Variants in BAZ2B observed in about 807,000 individuals in gnomAD.
BAZ2B encodes bromodomain adjacent to zinc finger domain protein 2B.
In BAZ2B, 91 loss-of-function variants were observed where a neutral mutation model predicts 246.0. That is an observed-to-expected ratio of 0.37 (90% CI 0.31 to 0.44). The LOEUF (loss-of-function observed/expected upper bound fraction) is 0.44, where lower values mean the gene tolerates loss of function less well. Ranked by LOEUF, BAZ2B falls within the 20% of genes least tolerant of loss-of-function variation. The probability of loss-of-function intolerance (pLI) is 1.00; values close to 1 mark genes in which losing one functional copy is unlikely to be tolerated. For synonymous variants in BAZ2B, 855 were observed against 860.0 expected (o/e 0.99, Z 0.10); for missense variants, 2,332 against 2,533.7 (o/e 0.92, Z 1.71).
At chr2:159,699,373 C>T in the BAZ2B span, among the ~76,000 whole-genome samples, 37 of 151,896 alleles carry the variant, frequency 2.4e-4, no homozygotes, top group Non-Finnish European at 4.1e-4. Flanking sequence ...TGAGACCCCA[C>T]CTTTTTTAAA....
chr2:159,561,456 C>T (rs986531798), intron 1 of BAZ2B, among the ~76,000 whole-genome samples: 26 of 152,302 alleles, frequency 1.7e-4, no homozygotes, highest in Admixed American at 1.2e-3. Flanking sequence ...CTTAATAAAC[C>T]TCTTTTCTTT....
chr2:159,328,069 C>CAAA lies in BAZ2B; in HGVS notation c.5944-2152_5944-2151insTTT, dbSNP rs1558959778. ...GATGGAATGAGACTCAGCCTCAAAACGAAAAAAAAAAAAAAAAAAAAAGAA... is the reference window on the plus strand; with the variant it reads ...GATGGAATGAGACTCAGCCTCAAAACAAAGAAAAAAAAAAAAAAAAAAAAAGAA... On this transcript the variant is annotated intron_variant, in intron 34 of 36. Coordinates refer to ENST00000392783, the MANE Select transcript of BAZ2B (RefSeq NM_013450.4). Among the ~76,000 whole-genome samples, 49 of 111,538 alleles carry CAAA rather than the reference C, an allele frequency of 4.4e-4. 2 individuals are homozygous for CAAA. Among genetic ancestry groups the CAAA allele is most frequent in the Middle Eastern group, 4.9e-3 (1 of 204 alleles). 73.2% of individuals were successfully genotyped at this position (111,538 alleles called of 152,430 possible). A position where few individuals can be genotyped will look rare whatever the true frequency, so the allele number is the denominator to read the frequency against.
intron 2 of BAZ2B, among the ~76,000 whole-genome samples, chr2:159,542,997 TA>T (rs1026560823): frequency 6.6e-6 from 1 of 152,176 alleles, no homozygotes; most frequent in African/African-American, 2.4e-5. Flanking sequence ...GAAAATTCCT[TA>T]ACTTCCCCAT....
At chr2:159,346,548 T>C (rs2067849063) in intron 31 of BAZ2B, among the ~76,000 whole-genome samples, 4 of 152,062 alleles carry the variant, frequency 2.6e-5, no homozygotes, top group Middle Eastern at 3.4e-3. Context: ...CTACTAAAAA[T>C]ACAAAAATTA....
At chr2:159,585,773 A>G (rs1687883420) in intron 1 of BAZ2B, among the ~76,000 whole-genome samples, 1 of 152,268 alleles carries the variant, frequency 6.6e-6, no homozygotes. Context: ...CCTTCATTCA[A>G]TGACTAGGAC....
chr2:159,650,244 T>C, the BAZ2B span, among the ~76,000 whole-genome samples: 1 of 151,990 alleles, frequency 6.6e-6, no homozygotes, highest in Admixed American at 6.6e-5. Flanking sequence ...TTTTTTTTAC[T>C]GGGTGTCATA....
intron 2 of BAZ2B, among the ~76,000 whole-genome samples, chr2:159,542,353 T>G (rs538427128): frequency 3.5e-5 from 5 of 144,722 alleles, no homozygotes; most frequent in Non-Finnish European, 7.7e-5. Flanking sequence ...GAACTTCAAG[T>G]AGGATAAATT....
At chr2:159,451,553 G>A (rs1487664285) in intron 4 of BAZ2B, among the ~76,000 whole-genome samples, 5 of 152,130 alleles carry the variant, frequency 3.3e-5, no homozygotes, top group Non-Finnish European at 5.9e-5. Flanking sequence ...CAAAAAGTAT[G>A]CTCATCTAGG....
rs115706393 is a variant in BAZ2B at position 159,485,267 on chromosome 2, A to T, written c.-2-6546T>A. Among the ~76,000 whole-genome samples the T allele has an allele frequency of 8.8e-3, 1,339 of 152,276 alleles. 26 individuals are homozygous for T. The highest frequency in any genetic ancestry group is 0.031 in the African/African-American group (1,284 of 41,580). On this transcript the variant is annotated intron_variant, in intron 2 of 36. Transcript: ENST00000392783. ...AACAAAAACCAGGCAACAAATGAAAAATCTTCTGTTAAAGGACATTCAGAA... is the reference window on the plus strand; with the variant it reads ...AACAAAAACCAGGCAACAAATGAAATATCTTCTGTTAAAGGACATTCAGAA...
the BAZ2B span, among the ~76,000 whole-genome samples, chr2:159,665,957 G>A: frequency 6.6e-6 from 1 of 152,130 alleles, no homozygotes; most frequent in Non-Finnish European, 1.5e-5. Context: ...GCATTTCCCT[G>A]TTGACTAATG....
chr2:159,340,214 A>G (rs911755354), intron 31 of BAZ2B, among the ~76,000 whole-genome samples: 1 of 151,996 alleles, frequency 6.6e-6, no homozygotes, highest in African/African-American at 2.4e-5. Context: ...AGGCAGACCA[A>G]GGGGTGGGGG....
At chr2:159,356,510 C>T (rs552932548) in intron 27 of BAZ2B, among the ~76,000 whole-genome samples, 1 of 152,298 alleles carries the variant, frequency 6.6e-6, no homozygotes, top group African/African-American at 2.4e-5. Flanking sequence ...ATAGATCAAA[C>T]TCCCATCTCC....
chr2:159,356,163 G>A (rs372460757), intron 27 of BAZ2B, among the ~76,000 whole-genome samples: 1 of 152,166 alleles, frequency 6.6e-6, no homozygotes. Context: ...TGGAAAGGGG[G>A]CTGAAGCCAG....
chr2:159,462,471 G>C, intron 3 of BAZ2B: 1 of 1,102,478 alleles, frequency 9.1e-7, no homozygotes, highest in African/African-American at 1.5e-5. Context: ...GTAACCGGAA[G>C]CTGCCGGCGC....
intron 3 of BAZ2B, among the ~76,000 whole-genome samples, chr2:159,471,248 T>C (rs768286651): frequency 5.9e-5 from 9 of 152,070 alleles, no homozygotes; most frequent in African/African-American, 9.7e-5. Context: ...CTTTCAGAAG[T>C]TGGGCTGTGA....
chr2:159,507,347 C>G (rs1194498913), intron 2 of BAZ2B, among the ~76,000 whole-genome samples: 1 of 151,892 alleles, frequency 6.6e-6, no homozygotes, highest in Non-Finnish European at 1.5e-5. Context: ...AGGCTTCAAA[C>G]AACTACGACA....
At chr2:159,432,692 C>T in intron 9 of BAZ2B, 65 bp downstream of exon 9, 1 of 1,534,298 alleles carries the variant, frequency 6.5e-7, no homozygotes, top group Non-Finnish European at 8.8e-7. Flanking sequence ...AATTAAGAAA[C>T]CCTTTAAAAT....
At chr2:159,501,148 TAA>T (rs1378736983) in intron 2 of BAZ2B, among the ~76,000 whole-genome samples, 5 of 33,006 alleles carry the variant, frequency 1.5e-4, no homozygotes, top group Admixed American at 1.1e-3. Flanking sequence ...TTTATATATA[TAA>T]TATATATAAA....
intron 2 of BAZ2B, among the ~76,000 whole-genome samples, chr2:159,519,277 C>T (rs1182838525): frequency 8.6e-6 from 1 of 116,538 alleles, no homozygotes; most frequent in East Asian, 2.8e-4. Flanking sequence ...GGCCGGACTG[C>T]GGACTGCAGT....
Sources: gnomAD v4.1 joint callset for allele counts (sites outside exome capture counted in the v4.1 genomes callset) on GRCh38, gnomAD v4.1.1 for gene constraint, MANE v1.5 for transcripts, NCBI Gene and HGNC (gene_info 2026-07-23, HGNC 2026-07-21) for gene names.